CLNK: variants seen among roughly 807,000 people sequenced by gnomAD.
CLNK encodes cytokine dependent hematopoietic cell linker.
In CLNK, 74 loss-of-function variants were observed where a neutral mutation model predicts 68.6. The ratio of observed to expected loss-of-function variants is 1.08; its 90% CI spans 0.89 to 1.31. The LOEUF (loss-of-function observed/expected upper bound fraction) is 1.31, where lower values mean the gene tolerates loss of function less well. Among genes scored for constraint, CLNK ranks in the 50% most tolerant of loss-of-function variants. The probability of loss-of-function intolerance (pLI) is 0.00; values close to 1 mark genes in which losing one functional copy is unlikely to be tolerated. For synonymous variants in CLNK, 198 were observed against 172.2 expected, an observed-to-expected ratio of 1.15 and a Z score of -1.17; for missense variants, 553 against 515.3, an observed-to-expected ratio of 1.07 and a Z score of -0.71.
chr4:10,627,915 C>A (rs1017170480), intron 2 of CLNK, among the ~76,000 whole-genome samples: 1 of 152,174 alleles, frequency 6.6e-6, no homozygotes, highest in Non-Finnish European at 1.5e-5. Context: ...ACACTTCTTC[C>A]CCCTTCTGTC....
intron 4 of CLNK, among the ~76,000 whole-genome samples, 161 bp downstream of exon 4, chr4:10,584,766 G>A (rs970341467): frequency 2.6e-5 from 4 of 152,134 alleles, no homozygotes; most frequent in Non-Finnish European, 5.9e-5. Flanking sequence ...CACAGATCAG[G>A]CTGTACCCTG....
At chr4:10,725,819 A>C in the CLNK span, among the ~76,000 whole-genome samples, 8 of 151,662 alleles carry the variant, frequency 5.3e-5, no homozygotes, top group Non-Finnish European at 8.8e-5. Context: ...GCGCCACTGC[A>C]CTCCAGCCTG....
At chr4:10,576,536 C>G (rs1720571535) in intron 4 of CLNK, among the ~76,000 whole-genome samples, 1 of 152,178 alleles carries the variant, frequency 6.6e-6, no homozygotes, top group Non-Finnish European at 1.5e-5. Flanking sequence ...CCCAGGAGAG[C>G]CTCCTGATAG....
intron 1 of CLNK, among the ~76,000 whole-genome samples, chr4:10,671,155 G>A (rs1724617166): frequency 6.6e-6 from 1 of 152,102 alleles, no homozygotes; most frequent in South Asian, 2.1e-4. Context: ...GGAGGCCGAG[G>A]CGACTGGATC....
chr4:10,688,034 G>T (rs1177489216), upstream of CLNK, among the ~76,000 whole-genome samples: 1 of 152,176 alleles, frequency 6.6e-6, no homozygotes, highest in African/African-American at 2.4e-5. Context: ...GGAGCCATAT[G>T]TAACTTGAGG....
chr4:10,553,050 G>C (rs1386505069), intron 8 of CLNK, among the ~76,000 whole-genome samples: 1 of 128,904 alleles, frequency 7.8e-6, no homozygotes, highest in Non-Finnish European at 1.6e-5. Context: ...GCAGGAAGAG[G>C]AGGGGGGGGC....
intron 14 of CLNK, chr4:10,523,907 TC>T: frequency 2.7e-6 from 1 of 368,696 alleles, no homozygotes. Flanking sequence ...TGCCTATAGT[TC>T]CAGCTACTCT....
chr4:10,623,394 C>G (rs2720360), intron 2 of CLNK, among the ~76,000 whole-genome samples: 109,541 of 152,120 alleles, frequency 0.72, 40,812 homozygotes, highest in Non-Finnish European at 0.82. Context: ...CATCTCCTCA[C>G]TGCCTCTGGG....
At chr4:10,699,074 C>T in the CLNK span, among the ~76,000 whole-genome samples, 1 of 151,854 alleles carries the variant, frequency 6.6e-6, no homozygotes, top group African/African-American at 2.4e-5. Flanking sequence ...TTTGAACACA[C>T]ACTGGAACTA....
rs1315790066 is a variant in CLNK, at chr4:10,487,621, T to A, written c.*2846A>T. ...CTGGATTGGCCACAGCATTTGCAGG[T>A]CTTTTTTTTTTGTTGTTTTTCTTTT... On this transcript the variant is annotated 3_prime_UTR_variant, in exon 19 of 19. Transcript: ENST00000226951. 6.6e-6 allele frequency: 1 copy of A among 151,962 alleles called. No individual in the cohort carries two copies. Among genetic ancestry groups the A allele is most frequent in the Non-Finnish European group, 1.5e-5 (1 of 68,024 alleles). 9.4% of individuals were successfully genotyped at this position (151,962 alleles called of 1,614,324 possible). A position where few individuals can be genotyped will look rare whatever the true frequency, so the allele number is the denominator to read the frequency against.
intron 18 of CLNK, among the ~76,000 whole-genome samples, chr4:10,493,149 T>C (rs746671533): frequency 1.3e-5 from 2 of 152,132 alleles, no homozygotes; most frequent in Non-Finnish European, 2.9e-5. Flanking sequence ...AAATCCCCTC[T>C]CTACCAAAAA....
chr4:10,714,266 T>G, the CLNK span, among the ~76,000 whole-genome samples: 1 of 152,228 alleles, frequency 6.6e-6, no homozygotes, highest in Admixed American at 6.5e-5. Context: ...ATTATACTTG[T>G]GACTTAAATT....
At chr4:10,541,062 A>T (rs1159914472) in intron 10 of CLNK, among the ~76,000 whole-genome samples, 1 of 152,076 alleles carries the variant, frequency 6.6e-6, no homozygotes, top group Admixed American at 6.6e-5. Flanking sequence ...AAAAATACAA[A>T]AATTAGCCAG....
intron 7 of CLNK, among the ~76,000 whole-genome samples, chr4:10,559,475 C>A (rs562791440): frequency 2.6e-4 from 39 of 152,198 alleles, no homozygotes; most frequent in Non-Finnish European, 5.3e-4. Context: ...ACTGGGGTGC[C>A]AGAGGGTTTT....
chr4:10,649,292 C>A (rs1444974528), intron 2 of CLNK, among the ~76,000 whole-genome samples: 1 of 152,054 alleles, frequency 6.6e-6, no homozygotes, highest in East Asian at 1.9e-4. Context: ...GTTTTTTAAG[C>A]AACTAATTTT....
At chr4:10,699,310 C>T in the CLNK span, among the ~76,000 whole-genome samples, 2 of 34,420 alleles carry the variant, frequency 5.8e-5, no homozygotes, top group African/African-American at 1.9e-4. Flanking sequence ...ACACCACATA[C>T]GTGTATACAC....
chr4:10,588,477 C>A (rs1352557575), intron 3 of CLNK, among the ~76,000 whole-genome samples: 1 of 152,156 alleles, frequency 6.6e-6, no homozygotes, highest in Non-Finnish European at 1.5e-5. Flanking sequence ...GAACTGAAGT[C>A]TTCTGACATC....
intron 2 of CLNK, among the ~76,000 whole-genome samples, chr4:10,614,721 C>G (rs961144513): frequency 2.0e-5 from 3 of 152,230 alleles, no homozygotes; most frequent in Non-Finnish European, 2.9e-5. Context: ...ATTTATTTCT[C>G]TTATCTGCAA....
Position 10,616,803 on chromosome 4 carries a change from T to C in CLNK, c.12-18754A>G, listed in dbSNP as rs796275788. ...ATGTGTGTGTGTGTATATATATATATATATATATATATATATATATACACG... is the reference window on the plus strand; with the variant it reads ...ATGTGTGTGTGTGTATATATATATACATATATATATATATATATATACACG... On this transcript the variant is annotated intron_variant, in intron 2 of 18. Coordinates refer to ENST00000226951, the MANE Select transcript of CLNK (RefSeq NM_052964.4). Among the ~76,000 whole-genome samples, 90 of 43,692 alleles carry C rather than the reference T, an allele frequency of 2.1e-3. 1 individual carries two copies. The highest frequency in any genetic ancestry group is 4.4e-3 in the East Asian group (7 of 1,578). 28.7% of individuals were successfully genotyped at this position (43,692 alleles called of 152,430 possible). A position where few individuals can be genotyped will look rare whatever the true frequency, so the allele number is the denominator to read the frequency against.
Sources: allele counts gnomAD v4.1 joint callset (sites outside exome capture counted in the v4.1 genomes callset), GRCh38; gene constraint gnomAD v4.1.1; transcripts MANE v1.5; gene names NCBI Gene and HGNC (gene_info 2026-07-23, HGNC 2026-07-21).